Variants in ANO3 observed in about 807,000 individuals in gnomAD.
ANO3 encodes anoctamin 3.
A neutral mutation model predicts 144.8 loss-of-function variants in ANO3; 99 were observed. The observed-to-expected ratio is 0.68, with a 90% CI of 0.58 to 0.81. ANO3 has a LOEUF of 0.81. Ranked by LOEUF, ANO3 falls within the 30% of genes least tolerant of loss-of-function variation. ANO3 has a pLI of 0.00. For synonymous variants in ANO3, 414 were observed against 392.6 expected, an observed-to-expected ratio of 1.05 and a Z score of -0.64; for missense variants, 905 against 1,202.2, an observed-to-expected ratio of 0.75 and a Z score of 3.66.
At chr11:26,396,386 C>T (rs551093827) in intron 1 of ANO3, among the ~76,000 whole-genome samples, 4 of 152,174 alleles carry the variant, frequency 2.6e-5, no homozygotes, top group South Asian at 2.1e-4. Flanking sequence ...GACAGTGTGG[C>T]GATCCCTCAA....
intron 14 of ANO3, among the ~76,000 whole-genome samples, chr11:26,586,348 T>C (rs1185398801): frequency 9.2e-6 from 1 of 108,792 alleles, no homozygotes; most frequent in Non-Finnish European, 1.8e-5. Flanking sequence ...TTAATGCTCC[T>C]GTATTCTTTT....
intron 1 of ANO3, among the ~76,000 whole-genome samples, chr11:26,366,899 T>C (rs12275033): frequency 0.12 from 18,346 of 151,854 alleles, 1,760 homozygotes; most frequent in African/African-American, 0.27. Flanking sequence ...GATGAGTAGG[T>C]TGCAAAAATT....
intron 18 of ANO3, among the ~76,000 whole-genome samples, chr11:26,629,970 T>G (rs994933732): frequency 1.3e-5 from 2 of 152,218 alleles, no homozygotes; most frequent in Non-Finnish European, 2.9e-5. Context: ...CCAATGGGAT[T>G]TTAAGTAAAA....
chr11:26,236,598 C>T (rs1355352680), intron 1 of ANO3, among the ~76,000 whole-genome samples: 1 of 152,062 alleles, frequency 6.6e-6, no homozygotes, highest in Non-Finnish European at 1.5e-5. Context: ...GTGGGCGGAT[C>T]ACGAGGTCAG....
intron 1 of ANO3, among the ~76,000 whole-genome samples, chr11:26,277,824 G>A (rs1853590553): frequency 6.6e-6 from 1 of 151,564 alleles, no homozygotes; most frequent in Non-Finnish European, 1.5e-5. Flanking sequence ...TGTGAGTTTT[G>A]GACAATCTTC....
At chr11:26,587,905 G>A (rs1395928759) in intron 14 of ANO3, among the ~76,000 whole-genome samples, 4 of 145,354 alleles carry the variant, frequency 2.8e-5, no homozygotes, top group African/African-American at 7.8e-5. Flanking sequence ...GCAGTGAGCC[G>A]AGATCATGGG....
At chr11:26,361,038 C>T (rs1019682604) in intron 1 of ANO3, among the ~76,000 whole-genome samples, 9 of 152,150 alleles carry the variant, frequency 5.9e-5, no homozygotes, top group Admixed American at 6.5e-5. Context: ...ACTTTATACT[C>T]AGCATGTGAC....
chr11:26,605,574 TA>T (rs1380930975), intron 17 of ANO3, among the ~76,000 whole-genome samples: 1 of 152,232 alleles, frequency 6.6e-6, no homozygotes, highest in African/African-American at 2.4e-5. Flanking sequence ...TTTTGGTTGC[TA>T]GGCTATTAAT....
At chr11:26,314,766 T>C (rs1372006519) in intron 1 of ANO3, among the ~76,000 whole-genome samples, 5 of 152,158 alleles carry the variant, frequency 3.3e-5, no homozygotes, top group African/African-American at 1.2e-4. Flanking sequence ...GATAAATTGA[T>C]CCAAGTCAGA....
intron 1 of ANO3, among the ~76,000 whole-genome samples, chr11:26,437,040 T>C (rs912604818): frequency 5.9e-5 from 9 of 152,312 alleles, no homozygotes; most frequent in Non-Finnish European, 1.0e-4. Flanking sequence ...CCCCTCCCTC[T>C]GGGAGCTCCG....
intron 1 of ANO3, among the ~76,000 whole-genome samples, chr11:26,298,386 A>G (rs979014462): frequency 1.3e-5 from 2 of 152,002 alleles, no homozygotes; most frequent in Non-Finnish European, 2.9e-5. Context: ...CTAACAAATC[A>G]TATATAAACT....
intron 1 of ANO3, among the ~76,000 whole-genome samples, chr11:26,200,756 A>G (rs567628298): frequency 3.9e-5 from 6 of 152,272 alleles, no homozygotes; most frequent in African/African-American, 1.4e-4. Flanking sequence ...TCATTCCTAG[A>G]GAGTATTGTC....
At chr11:26,465,020 A>G (rs1210404191) in intron 4 of ANO3, among the ~76,000 whole-genome samples, 3 of 151,414 alleles carry the variant, frequency 2.0e-5, no homozygotes, top group Non-Finnish European at 4.4e-5. Context: ...GTCACAGGAA[A>G]CCTCAAAAAA....
intron 23 of ANO3, among the ~76,000 whole-genome samples, chr11:26,645,274 A>C (rs1853308657): frequency 6.6e-6 from 1 of 152,062 alleles, no homozygotes; most frequent in African/African-American, 2.4e-5. Flanking sequence ...TTATTAAATA[A>C]TTCAATTTTT....
intron 4 of ANO3, among the ~76,000 whole-genome samples, chr11:26,504,625 G>T (rs1861340847): frequency 6.6e-6 from 1 of 152,238 alleles, no homozygotes; most frequent in Non-Finnish European, 1.5e-5. Context: ...AACTTGGAGA[G>T]CAACTGGAGG....
At chr11:26,464,257 T>C (rs556536794) in intron 4 of ANO3, among the ~76,000 whole-genome samples, 18 of 151,976 alleles carry the variant, frequency 1.2e-4, no homozygotes, top group African/African-American at 4.1e-4. Flanking sequence ...GGGCTAATAA[T>C]TAAGTTATCT....
intron 1 of ANO3, among the ~76,000 whole-genome samples, chr11:26,408,151 G>A (rs1857337414): frequency 6.6e-6 from 1 of 151,930 alleles, no homozygotes. Context: ...AAGAGCTTCT[G>A]CACAGCAAAA....
chr11:26,653,347 C>CT (rs111440290), intron 24 of ANO3, among the ~76,000 whole-genome samples: 3,678 of 151,698 alleles, frequency 0.024, 55 homozygotes, highest in South Asian at 0.04. Context: ...GCCTTGAATA[C>CT]TTTTTTTTTC....
intron 1 of ANO3, among the ~76,000 whole-genome samples, chr11:26,284,863 C>G (rs1371275732): frequency 1.3e-5 from 2 of 152,156 alleles, no homozygotes; most frequent in Non-Finnish European, 2.9e-5. Flanking sequence ...CGAGATCGCC[C>G]CACTGCACCC....
Sources: gnomAD v4.1 joint callset for allele counts (sites outside exome capture counted in the v4.1 genomes callset) on GRCh38, gnomAD v4.1.1 for gene constraint, MANE v1.5 for transcripts, NCBI Gene and HGNC (gene_info 2026-07-23, HGNC 2026-07-21) for gene names.